TLCD1: variants seen among roughly 807,000 people sequenced by gnomAD.
TLCD1 encodes TLC domain containing 1, also known as TLC domain-containing protein 1.
In TLCD1, 21 loss-of-function variants were observed where a neutral mutation model predicts 21.2. The ratio of observed to expected loss-of-function variants is 0.99; its 90% CI spans 0.70 to 1.42. The LOEUF (loss-of-function observed/expected upper bound fraction) is 1.42, where lower values mean the gene tolerates loss of function less well. Among genes scored for constraint, TLCD1 ranks in the 40% most tolerant of loss-of-function variants. The probability of loss-of-function intolerance (pLI) is 0.00; values close to 1 mark genes in which losing one functional copy is unlikely to be tolerated. For missense variants in TLCD1, 344 were observed against 330.3 expected (o/e 1.04, Z -0.32); for synonymous variants, 168 against 134.8 (o/e 1.25, Z -1.71).
chr17:28,726,003 G>T lies in TLCD1; in HGVS notation c.95C>A (p.Pro32His). The change falls in exon 1 of 4, where the codon CCC becomes CAC. Residue 32 changes from proline (P) to histidine (H), a missense_variant. Coordinates refer to ENST00000292090, the MANE Select transcript of TLCD1 (RefSeq NM_138463.4). ...LRRALCRLPL[P>H]VHVRADPLRT... is the part of the protein sequence containing the mutation. ...CAGGGGGTCGGCGCGCACGTGCACGGGTAGGGGCAGGCGACAGAGCGCGCG... is the reference window on the plus strand; with the variant it reads ...CAGGGGGTCGGCGCGCACGTGCACGTGTAGGGGCAGGCGACAGAGCGCGCG... 2 of 1,608,386 alleles carry T rather than the reference G, an allele frequency of 1.2e-6. No homozygotes were observed. Among genetic ancestry groups the T allele is most frequent in the South Asian group, 1.1e-5 (1 of 90,852 alleles).
At chr17:28,726,829 T>C (rs1400365761), upstream of TLCD1, 1 of 1,547,070 alleles carries the variant, frequency 6.5e-7, no homozygotes. Flanking sequence ...TCCCGCCGGC[T>C]CTTAAACTCC....
chr17:28,725,422 A>G (rs771704059), intron 2 of TLCD1, 36 bp from the exon 3 acceptor site: 10 of 1,613,912 alleles, frequency 6.2e-6, no homozygotes, highest in Non-Finnish European at 7.6e-6. Context: ...CATGAACTGA[A>G]CAAGCAGCTT....
rs1193493785 is a variant in TLCD1, at chr17:28,724,901, GAAGA to G, written c.361-12_361-9del. ...GAAGAAGGCACCCATGGCCTAGAGG[GAAGA>G]AAGAATAGGAGTTAGGGAACCCAGA... On this transcript the variant is annotated splice_polypyrimidine_tract_variant and intron_variant, in intron 3 of 3. Transcript: ENST00000292090. The G allele has an allele frequency of 6.2e-7, 1 of 1,609,262 alleles. No homozygotes were observed. Among genetic ancestry groups the G allele is most frequent in the Non-Finnish European group, 8.5e-7 (1 of 1,177,886 alleles).
In TLCD1 at chr17:28,726,033, A is replaced by AGCGCCCGGAAGGTCAGCGTG. The variant is rs779763392; in HGVS notation, c.45_64dup (p.Leu22ProfsTer3). 11 of 1,590,320 alleles carry AGCGCCCGGAAGGTCAGCGTG rather than the reference A, an allele frequency of 6.9e-6. No individual in the cohort carries two copies. Among genetic ancestry groups the AGCGCCCGGAAGGTCAGCGTG allele is most frequent in the Non-Finnish European group, 9.4e-6 (11 of 1,170,782 alleles). On this transcript the variant is annotated stop_gained and frameshift_variant, in exon 1 of 4. Coordinates refer to ENST00000292090, the MANE Select transcript of TLCD1 (RefSeq NM_138463.4). LOFTEE classifies it high-confidence loss of function. ...GGGCAGGCGACAGAGCGCGCGCCGG[A>AGCGCCCGGAAGGTCAGCGTG]GCGCCCGGAAGGTCAGCGTGGCGCC...
Position 28,725,537 on chromosome 17 carries a change from A to C in TLCD1, c.221T>G (p.Val74Gly). The change falls in exon 2 of 4, where the codon GTG becomes GGG. Residue 74 changes from valine to glycine, a missense_variant. Physicochemically the swap from Val to Gly is moderately radical, Grantham distance 109. Coordinates refer to ENST00000292090, the MANE Select transcript of TLCD1 (RefSeq NM_138463.4). ...LCVWQTPDMLVEIETAWSLSG... is the reference protein window; with the variant it reads ...LCVWQTPDMLGEIETAWSLSG... ...AAGTGACCACGCCGTCTCAATCTCC[A>C]CTAACATGTCAGGAGTCTGCCATAC... 1 of 1,614,080 alleles carries C rather than the reference A, an allele frequency of 6.2e-7. No homozygotes were observed. Among genetic ancestry groups the C allele is most frequent in the Non-Finnish European group, 8.5e-7 (1 of 1,179,972 alleles).
Position 28,726,187 on chromosome 17 carries a change from C to T in TLCD1, c.-90G>A. On this transcript the variant is annotated 5_prime_UTR_variant, in exon 1 of 4. Coordinates refer to ENST00000292090, the MANE Select transcript of TLCD1 (RefSeq NM_138463.4). ...CTCTCGGGCCAGTCCAGGCCGGCCGCCTCTCCCGCCGGCCGCCAGCCCCAC... is the reference window on the plus strand; with the variant it reads ...CTCTCGGGCCAGTCCAGGCCGGCCGTCTCTCCCGCCGGCCGCCAGCCCCAC... The T allele has an allele frequency of 2.2e-6, 3 of 1,373,196 alleles. No homozygotes were observed. Among genetic ancestry groups the T allele is most frequent in the Non-Finnish European group, 2.8e-6 (3 of 1,071,606 alleles). The allele number at this position is 1,373,196 out of a possible 1,614,324, so 85.1% of individuals were successfully genotyped here.
Position 28,725,293 on chromosome 17 carries a change from TTC to T in TLCD1, c.360+9_360+10del, listed in dbSNP as rs774778215. 5.6e-6 allele frequency: 9 copies of T among 1,614,026 alleles called. No homozygotes were observed. The highest frequency in any genetic ancestry group is 5.5e-5 in the South Asian group (5 of 91,082). ...ACCAGGCCTATACCACATAGTCTGC[TTC>T]TCTCTTACCATGACGTGATGGACAA... On this transcript the variant is annotated intron_variant, in intron 3 of 3. Coordinates refer to ENST00000292090, the MANE Select transcript of TLCD1 (RefSeq NM_138463.4).
Position 28,724,419 on chromosome 17 carries a change from A to G in TLCD1, c.*91T>C, listed in dbSNP as rs571798987. On this transcript the variant is annotated 3_prime_UTR_variant, in exon 4 of 4. Coordinates refer to ENST00000292090, the MANE Select transcript of TLCD1 (RefSeq NM_138463.4). ...CTCAGAAGGTGGAGAGGCTGGCCTCAGAGGACACCCAGGCTTGGGGCTAAG... is the reference window on the plus strand; with the variant it reads ...CTCAGAAGGTGGAGAGGCTGGCCTCGGAGGACACCCAGGCTTGGGGCTAAG... The G allele has an allele frequency of 2.0e-6, 3 of 1,495,678 alleles. No homozygotes were observed. The highest frequency in any genetic ancestry group is 2.5e-5 in the South Asian group (2 of 78,888). The allele number at this position is 1,495,678 out of a possible 1,614,324, so 92.7% of individuals were successfully genotyped here. A position where few individuals can be genotyped will look rare whatever the true frequency, so the allele number is the denominator to read the frequency against.
In TLCD1 at chr17:28,724,530, C is replaced by T. The variant is rs2034176709; in HGVS notation, c.724G>A (p.Asp242Asn). 6.2e-7 allele frequency: 1 copy of T among 1,614,018 alleles called. No homozygotes were observed. Among genetic ancestry groups the T allele is most frequent in the East Asian group, 2.2e-5 (1 of 44,884 alleles). ...GCCCCTCACTCAGTCAAGAACTTGTCTTTGTGTTGCTTCTTGGGGACATGC... is the reference window on the plus strand; with the variant it reads ...GCCCCTCACTCAGTCAAGAACTTGTTTTTGTGTTGCTTCTTGGGGACATGC... ...PEHVPKKQHK[D>N]KFLTE The change falls in exon 4 of 4, where the codon GAC (aspartate) becomes AAC (asparagine). Residue 242 changes from aspartate to asparagine, a missense_variant. By Grantham distance (23) the Asp-to-Asn change is conservative. Transcript: ENST00000292090.
chr17:28,726,178 GGCCGGCCGCCTCTCCC>G lies in TLCD1; in HGVS notation c.-97_-82del. ...CCGGGATCCCTCTCGGGCCAGTCCA[GGCCGGCCGCCTCTCCC>G]GCCGGCCGCCAGCCCCACACAGTTG... On this transcript the variant is annotated 5_prime_UTR_variant, in exon 1 of 4. Coordinates refer to ENST00000292090, the MANE Select transcript of TLCD1 (RefSeq NM_138463.4). 3.6e-6 allele frequency: 5 copies of G among 1,376,930 alleles called. No individual in the cohort carries two copies. Among genetic ancestry groups the G allele is most frequent in the Non-Finnish European group, 4.7e-6 (5 of 1,073,882 alleles). 85.3% of individuals were successfully genotyped at this position (1,376,930 alleles called of 1,614,324 possible).
At chr17:28,725,439 C>G (rs759218124) in intron 2 of TLCD1, 42 bp downstream of exon 2, 11 of 1,613,958 alleles carry the variant, frequency 6.8e-6, no homozygotes, top group Non-Finnish European at 8.5e-6. Flanking sequence ...GCTTCCTTCT[C>G]CCTGTCCCCA....
rs1211471280 is a variant in TLCD1 at position 28,724,479 on chromosome 17, T to C, written c.*31A>G. 6.2e-7 allele frequency: 1 copy of C among 1,601,310 alleles called. No homozygotes were observed. Among genetic ancestry groups the C allele is most frequent in the East Asian group, 2.2e-5 (1 of 44,706 alleles). On this transcript the variant is annotated 3_prime_UTR_variant, in exon 4 of 4. Coordinates refer to ENST00000292090, the MANE Select transcript of TLCD1 (RefSeq NM_138463.4). ...CCATATGAAGCTGTTTCTGGCCTTG[T>C]CCGTTTTTGTTGTCCCAGGCTCTGT...
chr17:28,724,581 G>A lies in TLCD1; in HGVS notation c.673C>T (p.Leu225Phe), dbSNP rs952029828. 6.2e-7 allele frequency: 1 copy of A among 1,614,074 alleles called. No individual in the cohort carries two copies. Among genetic ancestry groups the A allele is most frequent in the African/African-American group, 1.3e-5 (1 of 74,912 alleles). ...TCAGGGCAGAAGTCAGAGCGGAGGA[G>A]GCGGGAAAAGTAGATTATGATCATC... ...DVMIIIYFSR[L>F]LRSDFCPEHV... Residue 225 changes from leucine (L) to phenylalanine (F), a missense_variant, in exon 4 of 4, where the codon CTC (leucine) becomes TTC (phenylalanine). Leu to Phe is a conservative substitution (Grantham distance 22, BLOSUM62 0). Coordinates refer to ENST00000292090, the MANE Select transcript of TLCD1 (RefSeq NM_138463.4).
In TLCD1 at chr17:28,726,159, T is replaced by G. The variant is rs1303928390; in HGVS notation, c.-62A>C. 2.1e-6 allele frequency: 3 copies of G among 1,399,008 alleles called. No individual in the cohort carries two copies. In the African/African-American group the frequency reaches 4.6e-5, roughly 21 times the overall value. The allele number at this position is 1,399,008 out of a possible 1,614,324, so 86.7% of individuals were successfully genotyped here. On this transcript the variant is annotated 5_prime_UTR_variant, in exon 1 of 4. Coordinates refer to ENST00000292090, the MANE Select transcript of TLCD1 (RefSeq NM_138463.4). ...CCTAGGTCTGTTCTGGGAACCGGGA[T>G]CCCTCTCGGGCCAGTCCAGGCCGGC...
chr17:28,726,703 C>A, upstream of TLCD1: 1 of 1,524,438 alleles, frequency 6.6e-7, no homozygotes. Context: ...CCGTGCAGAC[C>A]CAGTGCCCCT....
Position 28,724,851 on chromosome 17 carries a change from C to G in TLCD1, c.403G>C (p.Val135Leu). The G allele has an allele frequency of 6.2e-7, 1 of 1,613,748 alleles. No homozygotes were observed. The highest frequency in any genetic ancestry group is 8.5e-7 in the Non-Finnish European group (1 of 1,179,930). ...FFSGIFWSSF[V>L]GGGVLTLLVE... The stretch of plus-strand genomic sequence containing the variant: ...AGTAGTGTTAAGACACCCCCACCGA[C>G]AAAGCTGCTCCAAAAGATGCCGGAG... The change falls in exon 4 of 4, where the codon GTC becomes CTC. Residue 135 changes from valine to leucine, a missense_variant. Physicochemically the swap from Val to Leu is conservative, Grantham distance 32. Coordinates refer to ENST00000292090, the MANE Select transcript of TLCD1 (RefSeq NM_138463.4).
chr17:28,726,827 G>C, upstream of TLCD1: 1 of 1,547,248 alleles, frequency 6.5e-7, no homozygotes, highest in East Asian at 2.4e-5. Context: ...CTTCCCGCCG[G>C]CTCTTAAACT....
At chr17:28,726,723 C>T (rs1200068893), upstream of TLCD1, 4 of 1,546,416 alleles carry the variant, frequency 2.6e-6, no homozygotes, top group Middle Eastern at 1.7e-4. Context: ...TACCGCACCA[C>T]TCGCAGTCTT....
chr17:28,724,874 G>C lies in TLCD1; in HGVS notation c.380C>G (p.Ser127Cys), dbSNP rs2034188255. 1 of 1,613,606 alleles carries C rather than the reference G, an allele frequency of 6.2e-7. No homozygotes were observed. The highest frequency in any genetic ancestry group is 1.3e-5 in the African/African-American group (1 of 75,020). Residue 127 changes from serine to cysteine, a missense_variant, in exon 4 of 4, where the codon TCC (serine) becomes TGC (cysteine). Coordinates refer to ENST00000292090, the MANE Select transcript of TLCD1 (RefSeq NM_138463.4). ...HHVMAMGAFF[S>C]GIFWSSFVGG... is the part of the protein sequence containing the mutation. ...GACAAAGCTGCTCCAAAAGATGCCG[G>C]AGAAGAAGGCACCCATGGCCTAGAG...
Sources: gnomAD v4.1 joint callset for allele counts on GRCh38, gnomAD v4.1.1 for gene constraint, MANE v1.5 for transcripts, NCBI Gene and HGNC (gene_info 2026-07-23, HGNC 2026-07-21) for gene names.